Variants in BICDL1 observed in about 807,000 individuals in gnomAD.
BICDL1 encodes the protein BICD family like cargo adaptor 1.
BICDL1 carries 20 observed loss-of-function variants against 76.8 expected under a neutral mutation model. The ratio of observed to expected loss-of-function variants is 0.26; its 90% CI spans 0.18 to 0.38. The LOEUF (loss-of-function observed/expected upper bound fraction) is 0.38, where lower values mean the gene tolerates loss of function less well. Ranked by LOEUF, BICDL1 falls within the 10% of genes least tolerant of loss-of-function variation. The pLI, the probability that BICDL1 is intolerant of heterozygous loss-of-function variation, is 1.00. For missense variants in BICDL1, 700 were observed against 798.6 expected (o/e 0.88, Z 1.49); for synonymous variants, 383 against 337.1 (o/e 1.14, Z -1.49).
In BICDL1 at chr12:120,064,778, A is replaced by C. The variant is rs1248422510; in HGVS notation, c.808A>C (p.Ser270Arg). ...DRKRELEHRL[S>R]ATLEENDLLQ... Reference sequence around the variant, plus strand: ...GAAACGGGAGCTGGAGCATCGTCTCAGCGCTACTTTAGAGGAAAATGACCT... The same window carrying C: ...GAAACGGGAGCTGGAGCATCGTCTCCGCGCTACTTTAGAGGAAAATGACCT... Residue 270 changes from serine (S) to arginine (R), a missense_variant, in exon 4 of 10, where the codon AGC (serine) becomes CGC (arginine). Physicochemically the swap from Ser to Arg is moderately radical, Grantham distance 110 (BLOSUM62 -1). Coordinates refer to ENST00000548673, the MANE Select transcript of BICDL1 (RefSeq NM_001367886.1). 4.3e-6 allele frequency: 7 copies of C among 1,613,564 alleles called. No individual in the cohort carries two copies. The highest frequency in any genetic ancestry group is 2.7e-5 in the African/African-American group (2 of 74,854).
rs1873808943 is a variant in BICDL1, at chr12:120,079,516, TG to T, written c.1453-1370del. Reference sequence around the variant, plus strand: ...ATGGATGGATCCTCCCTTGGAAAAATGTCAAAGTATGTGTAATATTTAACAT... The same window carrying T: ...ATGGATGGATCCTCCCTTGGAAAAATTCAAAGTATGTGTAATATTTAACAT... On this transcript the variant is annotated intron_variant, in intron 7 of 9. Transcript: ENST00000548673. The surrounding 1 kb of genome is among the most constrained non-coding windows in gnomAD (Gnocchi z 4.3). Among the ~76,000 whole-genome samples, 1 of 152,064 alleles carries T rather than the reference TG, an allele frequency of 6.6e-6. No individual in the cohort carries two copies. Among genetic ancestry groups the T allele is most frequent in the Non-Finnish European group, 1.5e-5 (1 of 68,004 alleles).
intron 4 of BICDL1, among the ~76,000 whole-genome samples, chr12:120,069,320 A>T (rs1280878225): frequency 6.6e-6 from 1 of 152,230 alleles, no homozygotes; most frequent in African/African-American, 2.4e-5. Flanking sequence ...TGAAGGACTG[A>T]TGTTAGACAT....
intron 2 of BICDL1, among the ~76,000 whole-genome samples, chr12:120,037,494 C>G (rs1476906342): frequency 1.3e-5 from 2 of 151,656 alleles, no homozygotes; most frequent in Non-Finnish European, 2.9e-5. Context: ...TCCTGGCATC[C>G]CAGATAGACA....
At chr12:120,023,107 T>C (rs1331262851) in intron 2 of BICDL1, among the ~76,000 whole-genome samples, 2 of 152,170 alleles carry the variant, frequency 1.3e-5, no homozygotes, top group Admixed American at 1.3e-4. Flanking sequence ...AATAATTAGC[T>C]CTGGACCAGG....
chr12:120,078,276 CT>C (rs1178041050), intron 7 of BICDL1, among the ~76,000 whole-genome samples: 4 of 152,242 alleles, frequency 2.6e-5, no homozygotes, highest in African/African-American at 9.6e-5. Context: ...AGCTCAAGGT[CT>C]GATCTAGCTG....
In BICDL1 at chr12:120,064,933, T is replaced by A. The variant is rs1953188541; in HGVS notation, c.909+54T>A. On this transcript the variant is annotated intron_variant, in intron 4 of 9. Transcript: ENST00000548673. ...GACTAGAGCCAGATAAAAGGAGCAC[T>A]TAGCCAAAAAGAAAAGGCTGGGAGG... The A allele has an allele frequency of 2.2e-5, 34 of 1,536,666 alleles. No individual in the cohort carries two copies. In the South Asian group the frequency reaches 3.7e-4, roughly 17 times the overall value.
intron 2 of BICDL1, among the ~76,000 whole-genome samples, chr12:120,053,242 G>C (rs1260523603): frequency 6.6e-6 from 1 of 151,976 alleles, no homozygotes; most frequent in Non-Finnish European, 1.5e-5. Context: ...GTGCCACCAT[G>C]CCTGGCTAAT....
intron 2 of BICDL1, among the ~76,000 whole-genome samples, chr12:120,043,218 C>T (rs1482669746): frequency 2.0e-5 from 3 of 152,318 alleles, no homozygotes; most frequent in African/African-American, 4.8e-5. Flanking sequence ...TAATATTCAT[C>T]TTCCTTTTCC....
chr12:120,033,359 GTTC>G (rs1952462667), intron 2 of BICDL1, among the ~76,000 whole-genome samples: 1 of 93,638 alleles, frequency 1.1e-5, no homozygotes, highest in Admixed American at 9.5e-5. Flanking sequence ...CCTGTGGAGA[GTTC>G]TTGCCTTTTT....
rs140282181 is a variant in BICDL1 at position 120,042,865 on chromosome 12, G to A, written c.646-18845G>A. On this transcript the variant is annotated intron_variant, in intron 2 of 9. Transcript: ENST00000548673. ...GGAGAGGTCAGGGCTGAGAGCTGGAGATAAATTACAAACTAGATATCAAAG... is the reference window on the plus strand; with the variant it reads ...GGAGAGGTCAGGGCTGAGAGCTGGAAATAAATTACAAACTAGATATCAAAG... Among the ~76,000 whole-genome samples, 661 of 151,930 alleles carry A rather than the reference G, an allele frequency of 4.4e-3. 5 individuals carry two copies. Among genetic ancestry groups the A allele is most frequent in the Non-Finnish European group, 6.2e-3 (418 of 67,948 alleles).
intron 2 of BICDL1, among the ~76,000 whole-genome samples, chr12:120,056,070 A>C (rs897399093): frequency 4.6e-5 from 7 of 152,236 alleles, no homozygotes; most frequent in Non-Finnish European, 8.8e-5. Flanking sequence ...ATAGATACAT[A>C]CATATGAATA....
intron 2 of BICDL1, among the ~76,000 whole-genome samples, chr12:120,001,722 T>C (rs1423709277): frequency 1.3e-5 from 2 of 152,162 alleles, no homozygotes; most frequent in South Asian, 2.1e-4. Context: ...TATTGAGATA[T>C]AATTCACATA....
At chr12:120,016,499 G>A (rs1341593138) in intron 2 of BICDL1, among the ~76,000 whole-genome samples, 2 of 148,462 alleles carry the variant, frequency 1.3e-5, no homozygotes, top group Admixed American at 1.4e-4. Context: ...GAGTACAGTG[G>A]CGTGATCATG....
chr12:120,032,974 T>A (rs1190330198), intron 2 of BICDL1, among the ~76,000 whole-genome samples: 1 of 152,094 alleles, frequency 6.6e-6, no homozygotes, highest in African/African-American at 2.4e-5. Flanking sequence ...CTCTATCTCC[T>A]GACCTCGTGA....
chr12:120,061,766 T>C lies in BICDL1; in HGVS notation c.702T>C (p.Phe234=), dbSNP rs185934358. 4.3e-5 allele frequency: 70 copies of C among 1,614,224 alleles called. No homozygotes were observed. The Admixed American group carries it at 1.0e-3, about 24-fold the overall frequency. ...AGGTCCACGCCCTCAGAGAAGACTT[T>C]CGGGAGAAAAACTCATCAACCAACC... is the stretch of plus-strand genomic sequence containing the variant. ...SMQVHALRED[F]REKNSSTNQH... Residue 234 remains phenylalanine (F), a synonymous_variant, in exon 3 of 10, where the codon TTT becomes TTC. Coordinates refer to ENST00000548673, the MANE Select transcript of BICDL1 (RefSeq NM_001367886.1).
rs753561036 is a variant in BICDL1 at position 120,090,083 on chromosome 12, C to G, written c.1704+12C>G. 2.5e-6 allele frequency: 4 copies of G among 1,613,380 alleles called. No individual in the cohort carries two copies. The South Asian group carries it at 4.4e-5, about 18-fold the overall frequency. On this transcript the variant is annotated intron_variant, in intron 9 of 9. Coordinates refer to ENST00000548673, the MANE Select transcript of BICDL1 (RefSeq NM_001367886.1). ...TGGAAGCTTGGCAGGTAAACTGGAG[C>G]CTGAGATCCAGGGCGAGAGGAGACT... is the stretch of plus-strand genomic sequence containing the variant.
At chr12:120,070,943 T>C (rs907932611) in intron 4 of BICDL1, among the ~76,000 whole-genome samples, 5 of 152,086 alleles carry the variant, frequency 3.3e-5, no homozygotes, top group Non-Finnish European at 7.4e-5. Flanking sequence ...TTGGCCAGGC[T>C]GGTCTCGAAC....
chr12:119,996,133 T>C lies in BICDL1; in HGVS notation c.430-2388T>C, dbSNP rs150370605. 3.3e-3 allele frequency among the ~76,000 whole-genome samples: 505 copies of C among 152,316 alleles called. 2 individuals carry two copies. Among genetic ancestry groups the C allele is most frequent in the African/African-American group, 0.011 (477 of 41,568 alleles). On this transcript the variant is annotated intron_variant, in intron 1 of 9. Transcript: ENST00000548673. Reference sequence around the variant, plus strand: ...CAGACTGTATAAAATATAATGTGTCTTTTTCAACAGATACACTCGAGTGGC... The same window carrying C: ...CAGACTGTATAAAATATAATGTGTCCTTTTCAACAGATACACTCGAGTGGC...
chr12:120,084,486 C>A lies in BICDL1; in HGVS notation c.1583+3469C>A, dbSNP rs569991871. ...CCCTTTTCCCTTTGCTACACTGCTACTTGTTGGGAAGCTAAAATGAACTAC... is the reference window on the plus strand; with the variant it reads ...CCCTTTTCCCTTTGCTACACTGCTAATTGTTGGGAAGCTAAAATGAACTAC... On this transcript the variant is annotated intron_variant, in intron 8 of 9. Transcript: ENST00000548673. Among the ~76,000 whole-genome samples the A allele has an allele frequency of 9.2e-5, 14 of 152,294 alleles. No individual in the cohort carries two copies. The South Asian group carries it at 1.7e-3, about 18-fold the overall frequency.
Sources: allele counts gnomAD v4.1 joint callset (sites outside exome capture counted in the v4.1 genomes callset), GRCh38; gene constraint gnomAD v4.1.1; non-coding constraint Gnocchi (gnomAD v3.1); transcripts MANE v1.5; gene names NCBI Gene and HGNC (gene_info 2026-07-23, HGNC 2026-07-21).